The following NXPE2 variants were observed in gnomAD, a reference collection of about 807,000 sequenced individuals.
The protein encoded by NXPE2 is NXPE family member 2.
In NXPE2, 34 loss-of-function variants were observed where a neutral mutation model predicts 34.4. The ratio of observed to expected loss-of-function variants is 0.99; its 90% confidence interval spans 0.75 to 1.31. The LOEUF is 1.31. NXPE2 is among the 40% of genes most tolerant of loss of function. The pLI is 0.00. For missense variants in NXPE2, 649 were observed against 672.5 expected, an observed-to-expected ratio of 0.97 and a Z score of 0.39; for synonymous variants, 235 against 231.3, an observed-to-expected ratio of 1.02 and a Z score of -0.15.
At chr11:114,499,315 A>C in the NXPE2 span, among the ~76,000 whole-genome samples, 1 of 152,160 alleles carries the variant, frequency 6.6e-6, no homozygotes, top group African/African-American at 2.4e-5. Context: ...CAAAGACATT[A>C]GCTCTTGGAT....
At chr11:114,563,961 C>G in the NXPE2 span, among the ~76,000 whole-genome samples, 3,505 of 152,028 alleles carry the variant, frequency 0.023, 143 homozygotes, top group African/African-American at 0.08. Context: ...GGTATCTACC[C>G]AGAGGAAAAG....
At chr11:114,597,906 C>T in the NXPE2 span, among the ~76,000 whole-genome samples, 2 of 152,106 alleles carry the variant, frequency 1.3e-5, no homozygotes, top group South Asian at 4.1e-4. Context: ...TTTCAAAATA[C>T]AATCATGCCT....
chr11:114,579,096 G>T, the NXPE2 span, among the ~76,000 whole-genome samples: 1 of 152,166 alleles, frequency 6.6e-6, no homozygotes, highest in Non-Finnish European at 1.5e-5. Context: ...CATGGCATCG[G>T]CATCTGTTCA....
the NXPE2 span, among the ~76,000 whole-genome samples, chr11:114,748,963 A>G: frequency 6.6e-6 from 1 of 152,214 alleles, no homozygotes; most frequent in African/African-American, 2.4e-5. Context: ...AGATCTGACC[A>G]GTGAGTGCCT....
chr11:114,520,443 G>A, the NXPE2 span, among the ~76,000 whole-genome samples: 1 of 152,156 alleles, frequency 6.6e-6, no homozygotes, highest in Non-Finnish European at 1.5e-5. Flanking sequence ...AAATATAGCA[G>A]CATCTCCTTT....
chr11:114,557,657 ATATATATATATATAT>A, the NXPE2 span, among the ~76,000 whole-genome samples: 1 of 143,332 alleles, frequency 7.0e-6, no homozygotes, highest in Non-Finnish European at 1.5e-5. Flanking sequence ...ATATATATAT[ATATATATATATATAT>A]AAAATCCTTG....
At chr11:114,468,421 AG>A in the NXPE2 span, among the ~76,000 whole-genome samples, 1 of 152,228 alleles carries the variant, frequency 6.6e-6, no homozygotes, top group Non-Finnish European at 1.5e-5. Flanking sequence ...TGCATGGTGC[AG>A]TGGCTAGTGG....
At chr11:114,562,198 T>A in the NXPE2 span, among the ~76,000 whole-genome samples, 1 of 152,260 alleles carries the variant, frequency 6.6e-6, no homozygotes, top group Admixed American at 6.5e-5. Context: ...ATCTTTGCAT[T>A]TGAAATTTTC....
intron 2 of NXPE2, among the ~76,000 whole-genome samples, chr11:114,689,443 A>G (rs1327618260): frequency 6.6e-6 from 1 of 152,024 alleles, no homozygotes; most frequent in African/African-American, 2.4e-5. Context: ...TTGTGGTCTG[A>G]GTAGATGCTT....
chr11:114,630,169 C>G, the NXPE2 span, among the ~76,000 whole-genome samples: 3 of 151,872 alleles, frequency 2.0e-5, no homozygotes, highest in African/African-American at 7.3e-5. Context: ...TGGAAAAAAA[C>G]TACTTTAAAG....
upstream of NXPE2, among the ~76,000 whole-genome samples, chr11:114,674,369 G>A (rs185673802): frequency 5.5e-3 from 832 of 151,822 alleles, 2 homozygotes; most frequent in Non-Finnish European, 7.9e-3. Flanking sequence ...ATCATCAAGT[G>A]TCTATGGAGC....
chr11:114,551,469 A>G, the NXPE2 span: 2 of 1,171,512 alleles, frequency 1.7e-6, no homozygotes, highest in Admixed American at 4.3e-5. Context: ...GTCACCTTAT[A>G]GGTTCTCTTA....
At chr11:114,633,587 A>G in the NXPE2 span, among the ~76,000 whole-genome samples, 1 of 151,412 alleles carries the variant, frequency 6.6e-6, no homozygotes, top group Non-Finnish European at 1.5e-5. Context: ...AGCATTAGGT[A>G]TATCTCATAA....
At chr11:114,464,947 A>T in the NXPE2 span, among the ~76,000 whole-genome samples, 1 of 152,174 alleles carries the variant, frequency 6.6e-6, no homozygotes, top group Admixed American at 6.6e-5. Flanking sequence ...ACAGGAAAAA[A>T]ATGTTCACCT....
chr11:114,628,101 G>C, the NXPE2 span, among the ~76,000 whole-genome samples: 7 of 147,896 alleles, frequency 4.7e-5, no homozygotes, highest in Non-Finnish European at 7.4e-5. Context: ...GTCAACATTA[G>C]ACAGATCAAT....
the NXPE2 span, among the ~76,000 whole-genome samples, chr11:114,804,769 T>C: frequency 6.6e-6 from 1 of 152,140 alleles, no homozygotes; most frequent in Admixed American, 6.5e-5. Context: ...TTAATATTGT[T>C]GTGTCCTTGT....
chr11:114,536,529 C>T, the NXPE2 span, among the ~76,000 whole-genome samples: 160 of 151,906 alleles, frequency 1.1e-3, no homozygotes, highest in African/African-American at 3.6e-3. Flanking sequence ...ATTGATAGAC[C>T]GCTAGCAAGA....
chr11:114,733,962 A>G, the NXPE2 span, among the ~76,000 whole-genome samples: 2 of 152,156 alleles, frequency 1.3e-5, no homozygotes, highest in African/African-American at 4.8e-5. Flanking sequence ...CAGGTCTTTT[A>G]TGAATTTATT....
chr11:114,534,215 G>C, the NXPE2 span, among the ~76,000 whole-genome samples: 1 of 152,218 alleles, frequency 6.6e-6, no homozygotes, highest in Admixed American at 6.5e-5. Flanking sequence ...CAGACCTGCA[G>C]CTGAGGGTTC....
Sources: gnomAD v4.1 joint callset for allele counts (sites outside exome capture counted in the v4.1 genomes callset) on GRCh38, gnomAD v4.1.1 for gene constraint, MANE v1.5 for transcripts, NCBI Gene and HGNC (gene_info 2026-07-23, HGNC 2026-07-21) for gene names.